Variants in NEK11 observed in about 807,000 individuals in gnomAD.
NEK11 encodes the protein serine/threonine-protein kinase Nek11.
A neutral mutation model predicts 80.7 loss-of-function variants in NEK11; 72 were observed. The ratio of observed to expected loss-of-function variants is 0.89; its 90% CI spans 0.74 to 1.08. NEK11 has a LOEUF of 1.08. Among genes scored for constraint, NEK11 ranks in the 50% least tolerant of loss-of-function variants. The pLI is 0.00. For missense variants in NEK11, 764 were observed against 763.6 expected (o/e 1.00, Z -0.01); for synonymous variants, 251 against 260.7 (o/e 0.96, Z 0.36).
chr3:131,082,241 T>A (rs1296916854), intron 4 of NEK11, among the ~76,000 whole-genome samples: 1 of 152,236 alleles, frequency 6.6e-6, no homozygotes, highest in Non-Finnish European at 1.5e-5. Context: ...TACAGATACT[T>A]GCATATGCAT....
At chr3:131,090,829 A>G (rs1436709415) in intron 4 of NEK11, among the ~76,000 whole-genome samples, 1 of 152,096 alleles carries the variant, frequency 6.6e-6, no homozygotes, top group Non-Finnish European at 1.5e-5. Flanking sequence ...CAGTGGTGCA[A>G]TCATAGCTCA....
At chr3:131,276,441 A>G (rs901453305) in intron 17 of NEK11, among the ~76,000 whole-genome samples, 15 of 152,144 alleles carry the variant, frequency 9.9e-5, no homozygotes, top group Non-Finnish European at 2.1e-4. Context: ...TTGGGACAAG[A>G]GGGCCTTTGT....
intron 14 of NEK11, among the ~76,000 whole-genome samples, chr3:131,199,042 C>T (rs982764753): frequency 6.6e-6 from 1 of 152,106 alleles, no homozygotes; most frequent in Non-Finnish European, 1.5e-5. Context: ...CGTATTTAAC[C>T]TGCTATGAGC....
chr3:131,103,861 G>A (rs1004124812), intron 4 of NEK11, among the ~76,000 whole-genome samples: 15 of 152,220 alleles, frequency 9.9e-5, no homozygotes, highest in Non-Finnish European at 1.9e-4. Flanking sequence ...GCTATGCACT[G>A]CAGCCCTGGG....
intron 3 of NEK11, among the ~76,000 whole-genome samples, chr3:131,052,838 A>G (rs557560089): frequency 6.6e-6 from 1 of 152,322 alleles, no homozygotes; most frequent in African/African-American, 2.4e-5. Context: ...TTACCTAAAA[A>G]GATTTCCATG....
At chr3:131,097,300 G>C (rs552174159) in intron 4 of NEK11, among the ~76,000 whole-genome samples, 2,409 of 151,896 alleles carry the variant, frequency 0.016, 33 homozygotes, top group Non-Finnish European at 0.026. Context: ...GATCCCTGAG[G>C]AATCACCACA....
chr3:131,030,469 A>C (rs1029170546), intron 3 of NEK11, among the ~76,000 whole-genome samples: 2 of 152,208 alleles, frequency 1.3e-5, no homozygotes, highest in Non-Finnish European at 2.9e-5. Flanking sequence ...CTTCCACTTA[A>C]CTTGATTGGA....
intron 3 of NEK11, among the ~76,000 whole-genome samples, chr3:131,037,568 C>T (rs1002241227): frequency 6.6e-6 from 1 of 152,196 alleles, no homozygotes; most frequent in African/African-American, 2.4e-5. Context: ...AGGCGTGAGC[C>T]ACCATGCCCA....
At chr3:131,218,487 C>T (rs1178605124) in intron 14 of NEK11, among the ~76,000 whole-genome samples, 2 of 152,190 alleles carry the variant, frequency 1.3e-5, no homozygotes, top group African/African-American at 4.8e-5. Flanking sequence ...GTAAGGAGGG[C>T]TTCTTTGATC....
chr3:131,330,928 G>GGT (rs2097068556), intron 17 of NEK11: 1 of 135,238 alleles, frequency 7.4e-6, no homozygotes, highest in African/African-American at 2.8e-5. Context: ...GAGAAGGAAG[G>GGT]GGGGGGGGCA....
At chr3:131,141,425 G>A (rs1054855728) in intron 7 of NEK11, among the ~76,000 whole-genome samples, 9 of 152,156 alleles carry the variant, frequency 5.9e-5, no homozygotes, top group Admixed American at 5.2e-4. Context: ...GACCAAAAGT[G>A]AGGGGTGCCC....
chr3:131,174,388 T>C (rs2092885985), intron 14 of NEK11, among the ~76,000 whole-genome samples: 1 of 152,210 alleles, frequency 6.6e-6, no homozygotes, highest in African/African-American at 2.4e-5. Context: ...CAAAGGAAAT[T>C]TGTATTTATT....
At chr3:131,042,752 C>G (rs1426581821) in intron 3 of NEK11, among the ~76,000 whole-genome samples, 1 of 152,170 alleles carries the variant, frequency 6.6e-6, no homozygotes. Context: ...GCACAGCACT[C>G]GAGCTCTGCT....
At chr3:131,038,888 G>A (rs1297643195) in intron 3 of NEK11, among the ~76,000 whole-genome samples, 1 of 152,114 alleles carries the variant, frequency 6.6e-6, no homozygotes, top group South Asian at 2.1e-4. Context: ...TAATGGTTTG[G>A]CTAACACTGA....
At chr3:131,236,786 A>G (rs191373740) in intron 15 of NEK11, among the ~76,000 whole-genome samples, 3 of 152,308 alleles carry the variant, frequency 2.0e-5, no homozygotes, top group Admixed American at 2.0e-4. Flanking sequence ...GGAAGCCCTC[A>G]CAAAGGTGCC....
intron 14 of NEK11, among the ~76,000 whole-genome samples, chr3:131,192,806 G>C (rs2093851035): frequency 6.6e-6 from 1 of 152,164 alleles, no homozygotes; most frequent in Non-Finnish European, 1.5e-5. Context: ...GGGAGTTATT[G>C]TTTCATGGTA....
At chr3:131,028,949 G>A (rs148348141) in intron 2 of NEK11, among the ~76,000 whole-genome samples, 194 of 152,316 alleles carry the variant, frequency 1.3e-3, no homozygotes, top group Middle Eastern at 3.4e-3. Flanking sequence ...CATTAAATGG[G>A]ATTTTAGGTT....
At chr3:131,115,940 T>TTCTTTCTTTCTTTCTTTCTTTC (rs1205703265) in intron 5 of NEK11, among the ~76,000 whole-genome samples, 11 of 121,286 alleles carry the variant, frequency 9.1e-5, no homozygotes, top group Middle Eastern at 3.7e-3. Context: ...CTTTCTTTCT[T>TTCTTTCTTTCTTTCTTTCTTTC]TCTTTCTTTC....
intron 3 of NEK11, among the ~76,000 whole-genome samples, chr3:131,056,172 T>TTCTG (rs1254463546): frequency 6.6e-6 from 1 of 152,184 alleles, no homozygotes; most frequent in East Asian, 1.9e-4. Context: ...TCTGGGCTGG[T>TTCTG]TCTGTCTGTC....
Sources: gnomAD v4.1 joint callset for allele counts (sites outside exome capture counted in the v4.1 genomes callset) on GRCh38, gnomAD v4.1.1 for gene constraint, MANE v1.5 for transcripts, NCBI Gene and HGNC (gene_info 2026-07-23, HGNC 2026-07-21) for gene names.